The following CRTC3 variants were observed in gnomAD, a reference collection of about 807,000 sequenced individuals.
CRTC3 encodes the protein CREB-regulated transcription coactivator 3.
Under a neutral mutation model 74.5 loss-of-function variants are expected in CRTC3, and 26 were observed. The observed-to-expected ratio is 0.35, with a 90% CI of 0.26 to 0.48. The LOEUF (loss-of-function observed/expected upper bound fraction) is 0.48, where lower values mean the gene tolerates loss of function less well. Among genes scored for constraint, CRTC3 ranks in the 20% least tolerant of loss-of-function variants. The probability of loss-of-function intolerance (pLI) is 0.99; values close to 1 mark genes in which losing one functional copy is unlikely to be tolerated. For missense variants in CRTC3, 760 were observed against 787.3 expected, an observed-to-expected ratio of 0.97 and a Z score of 0.41; for synonymous variants, 377 against 325.8, an observed-to-expected ratio of 1.16 and a Z score of -1.69.
chr15:90,595,897 T>C (rs1967912760), intron 3 of CRTC3: 1 of 152,172 alleles, frequency 6.6e-6, no homozygotes, highest in African/African-American at 2.4e-5. Flanking sequence ...TGACCTCAAG[T>C]TGCCCAGGGT....
intron 2 of CRTC3, among the ~76,000 whole-genome samples, chr15:90,571,978 A>G (rs1381812254): frequency 2.0e-5 from 3 of 152,232 alleles, no homozygotes; most frequent in South Asian, 2.1e-4. Context: ...CCTGGCCAAC[A>G]TGGTGAAATC....
chr15:90,596,566 T>G (rs10852136), intron 3 of CRTC3: 131,640 of 152,178 alleles, frequency 0.87, 57,326 homozygotes, highest in African/African-American at 0.94. Flanking sequence ...CTAAATTGGG[T>G]TCCTGGGACT....
chr15:90,560,110 T>C (rs2151065345), intron 2 of CRTC3, among the ~76,000 whole-genome samples: 1 of 152,370 alleles, frequency 6.6e-6, no homozygotes, highest in Middle Eastern at 3.4e-3. Context: ...ATTTGTTGTT[T>C]GATGATGTTT....
chr15:90,617,052 A>G (rs570637774), intron 7 of CRTC3, among the ~76,000 whole-genome samples: 12 of 151,970 alleles, frequency 7.9e-5, no homozygotes, highest in African/African-American at 2.2e-4. Flanking sequence ...CCTGGCCTCA[A>G]TTGTCTACAT....
chr15:90,551,975 T>C (rs1966859479), intron 2 of CRTC3, among the ~76,000 whole-genome samples: 1 of 56,612 alleles, frequency 1.8e-5, no homozygotes, highest in African/African-American at 6.9e-5. Context: ...CACAAATGTC[T>C]TCTAAAGGAA....
At chr15:90,573,352 T>C (rs901699979) in intron 2 of CRTC3, among the ~76,000 whole-genome samples, 2 of 152,204 alleles carry the variant, frequency 1.3e-5, no homozygotes, top group Non-Finnish European at 2.9e-5. Flanking sequence ...AGTTTTTGTT[T>C]GGGAGTTTTA....
chr15:90,540,218 T>C, intron 2 of CRTC3, 81 bp downstream of exon 2: 1 of 989,104 alleles, frequency 1.0e-6, no homozygotes, highest in Non-Finnish European at 1.5e-6. Context: ...GATGAGATCT[T>C]GAAGGATAAG....
At chr15:90,602,192 C>G in intron 3 of CRTC3, 132 bp from the exon 4 acceptor site, 1 of 640,906 alleles carries the variant, frequency 1.6e-6, no homozygotes, top group Non-Finnish European at 2.8e-6. Context: ...TAAGAGAAAG[C>G]ATGAAGGAAG....
At position 90,529,987 on chromosome 15, in the gene CRTC3, C is replaced by A. The variant is rs1173204345; in HGVS notation, c.-85C>A. On this transcript the variant is annotated 5_prime_UTR_variant, in exon 1 of 15. Transcript: ENST00000268184. The stretch of plus-strand genomic sequence containing the variant: ...GGACGACTGGCTTCGGGCGGCGGCC[C>A]CGGCGGCCTGTGGACGGACGGGTGG... 1.3e-5 allele frequency: 14 copies of A among 1,077,498 alleles called. No homozygotes were observed. Among genetic ancestry groups the A allele is most frequent in the Admixed American group, 5.1e-5 (1 of 19,464 alleles). The allele number at this position is 1,077,498 out of a possible 1,614,324, so 66.7% of individuals were successfully genotyped here.
intron 2 of CRTC3, among the ~76,000 whole-genome samples, chr15:90,584,237 CT>C (rs11355776): frequency 0.67 from 77,975 of 116,452 alleles, 24,086 homozygotes; most frequent in South Asian, 0.77. Flanking sequence ...TTCACCAACG[CT>C]TTTTTTTTTT....
intron 11 of CRTC3, among the ~76,000 whole-genome samples, chr15:90,630,513 C>T (rs575863219): frequency 1.3e-5 from 2 of 152,118 alleles, no homozygotes; most frequent in African/African-American, 4.8e-5. Flanking sequence ...TACTCCAGAG[C>T]GGAGGTGGGA....
At chr15:90,578,271 G>A (rs971961010) in intron 2 of CRTC3, among the ~76,000 whole-genome samples, 1 of 152,110 alleles carries the variant, frequency 6.6e-6, no homozygotes, top group African/African-American at 2.4e-5. Flanking sequence ...GATGGGCTGG[G>A]CACAGTGGCT....
chr15:90,544,011 G>A (rs1307571801), intron 2 of CRTC3, among the ~76,000 whole-genome samples: 1 of 152,044 alleles, frequency 6.6e-6, no homozygotes, highest in African/African-American at 2.4e-5. Flanking sequence ...GCGTGTGTTA[G>A]TTTCCTAGGG....
At chr15:90,626,643 A>G (rs1968845245) in intron 10 of CRTC3, among the ~76,000 whole-genome samples, 1 of 130,004 alleles carries the variant, frequency 7.7e-6, no homozygotes, top group Non-Finnish European at 1.5e-5. Flanking sequence ...ATGGGGTCTT[A>G]CTCTGTCACC....
chr15:90,606,804 G>C (rs943102578), intron 5 of CRTC3: 1 of 152,204 alleles, frequency 6.6e-6, no homozygotes, highest in Non-Finnish European at 1.5e-5. Flanking sequence ...AAGGCAGCTG[G>C]GTGGTCTGTG....
chr15:90,638,327 C>G, intron 11 of CRTC3, 119 bp from the exon 12 acceptor site: 1 of 810,022 alleles, frequency 1.2e-6, no homozygotes. Flanking sequence ...CAGCATTGCA[C>G]AGAACACCGC....
chr15:90,535,079 T>G lies in CRTC3; in HGVS notation c.132+4876T>G, dbSNP rs866369048. ...AGGAGACTGAGGCAAGAGAATCGCTTGAACCTGGGAGGCGGAGGTTGCAGT... is the reference window on the plus strand; with the variant it reads ...AGGAGACTGAGGCAAGAGAATCGCTGGAACCTGGGAGGCGGAGGTTGCAGT... On this transcript the variant is annotated intron_variant, in intron 1 of 14. Coordinates refer to ENST00000268184, the MANE Select transcript of CRTC3 (RefSeq NM_022769.5). Among the ~76,000 whole-genome samples, 21 of 151,460 alleles carry G rather than the reference T, an allele frequency of 1.4e-4. 1 individual carries two copies. In the Middle Eastern group the frequency reaches 0.021, roughly 148 times the overall value.
chr15:90,589,636 G>A (rs574348688), intron 2 of CRTC3, among the ~76,000 whole-genome samples: 14 of 152,176 alleles, frequency 9.2e-5, no homozygotes, highest in Non-Finnish European at 1.8e-4. Context: ...TAGGATTATA[G>A]GCGTGAGCCA....
At chr15:90,619,687 A>G (rs1303487422) in intron 8 of CRTC3, 54 bp from the exon 9 acceptor site, 34 of 1,539,554 alleles carry the variant, frequency 2.2e-5, no homozygotes, top group Non-Finnish European at 3.1e-5. Context: ...ACTTTTCAAA[A>G]ACTTGAATTT....
Sources: allele counts gnomAD v4.1 joint callset (sites outside exome capture counted in the v4.1 genomes callset), GRCh38; gene constraint gnomAD v4.1.1; transcripts MANE v1.5; gene names NCBI Gene and HGNC (gene_info 2026-07-23, HGNC 2026-07-21).